The following CACNA1E variants were observed in gnomAD, a reference collection of about 807,000 sequenced individuals.
CACNA1E encodes the protein calcium voltage-gated channel subunit alpha1 E, also known as voltage-dependent R-type calcium channel subunit alpha-1E.
Under a neutral mutation model 259.2 loss-of-function variants are expected in CACNA1E, and 40 were observed. The observed-to-expected ratio is 0.15, with a 90% CI of 0.12 to 0.20. The LOEUF is 0.20. Among genes scored for constraint, CACNA1E ranks in the 10% least tolerant of loss-of-function variants. The pLI, the probability that CACNA1E is intolerant of heterozygous loss-of-function variation, is 1.00. For missense variants in CACNA1E, 1,874 were observed against 3,040.1 expected, an observed-to-expected ratio of 0.62 and a Z score of 9.02; for synonymous variants, 1,104 against 1,138.5, an observed-to-expected ratio of 0.97 and a Z score of 0.61.
At chr1:181,603,501 G>A (rs999733996) in intron 6 of CACNA1E, among the ~76,000 whole-genome samples, 1 of 152,086 alleles carries the variant, frequency 6.6e-6, no homozygotes, top group African/African-American at 2.4e-5. Context: ...TTTTCATGAG[G>A]CATGCATGTG....
chr1:181,390,329 A>ATTTG (rs58261737), intron 1 of CACNA1E, among the ~76,000 whole-genome samples: 67,625 of 151,336 alleles, frequency 0.45, 15,264 homozygotes, highest in African/African-American at 0.51. Context: ...TTATTTATTT[A>ATTTG]TTTGTTTTTT....
intron 2 of CACNA1E, among the ~76,000 whole-genome samples, chr1:181,460,948 A>G (rs564509466): frequency 1.7e-4 from 26 of 152,332 alleles, no homozygotes; most frequent in African/African-American, 6.3e-4. Context: ...TGTATAAAAT[A>G]TCTGATACAT....
At chr1:181,646,789 C>T (rs994353643) in intron 6 of CACNA1E, among the ~76,000 whole-genome samples, 4 of 152,202 alleles carry the variant, frequency 2.6e-5, no homozygotes, top group African/African-American at 9.6e-5. Flanking sequence ...CCCCAGTCCC[C>T]TGGAGATTAA....
chr1:181,504,735 CG>C (rs1205467856), intron 1 of CACNA1E, among the ~76,000 whole-genome samples: 3 of 152,210 alleles, frequency 2.0e-5, no homozygotes. Context: ...GTGCAGGCCA[CG>C]TCGTGCTGCT....
At chr1:181,684,891 T>G (rs978538486) in intron 7 of CACNA1E, among the ~76,000 whole-genome samples, 4 of 150,904 alleles carry the variant, frequency 2.7e-5, no homozygotes, top group Non-Finnish European at 5.9e-5. Flanking sequence ...TTTTTTTTTT[T>G]GCCTTGTTAG....
At chr1:181,410,522 G>A (rs957194270) in intron 1 of CACNA1E, among the ~76,000 whole-genome samples, 1 of 152,286 alleles carries the variant, frequency 6.6e-6, no homozygotes, top group East Asian at 1.9e-4. Flanking sequence ...CTCCAGGGGC[G>A]TCCGAGTCTA....
chr1:181,741,835 G>A (rs1352667697), intron 25 of CACNA1E, among the ~76,000 whole-genome samples: 1 of 152,200 alleles, frequency 6.6e-6, no homozygotes, highest in Non-Finnish European at 1.5e-5. Flanking sequence ...TTGGTCCTCA[G>A]ACCAGGTACA....
chr1:181,423,964 T>C (rs543350854), intron 2 of CACNA1E, among the ~76,000 whole-genome samples: 1 of 152,284 alleles, frequency 6.6e-6, no homozygotes, highest in South Asian at 2.1e-4. Flanking sequence ...CCTACTGCCT[T>C]AGGGCTATTA....
chr1:181,719,981 C>T (rs1464734758), intron 13 of CACNA1E, 118 bp downstream of exon 13: 2 of 744,232 alleles, frequency 2.7e-6, no homozygotes, highest in Non-Finnish European at 2.2e-6. Flanking sequence ...CTTCCCTGCC[C>T]CACCCCTTTT....
At chr1:181,514,259 A>G (rs973784286) in intron 3 of CACNA1E, among the ~76,000 whole-genome samples, 1 of 152,200 alleles carries the variant, frequency 6.6e-6, no homozygotes, top group African/African-American at 2.4e-5. Flanking sequence ...AGTTTAATTG[A>G]CAGCATGTTT....
intron 1 of CACNA1E, among the ~76,000 whole-genome samples, chr1:181,323,411 A>ATTT (rs1293159235): frequency 4.6e-5 from 7 of 152,178 alleles, no homozygotes; most frequent in African/African-American, 1.7e-4. Context: ...GTCTCCACTT[A>ATTT]TTAATACACA....
chr1:181,326,240 A>T (rs1322033163), intron 1 of CACNA1E, among the ~76,000 whole-genome samples: 1 of 152,246 alleles, frequency 6.6e-6, no homozygotes, highest in Non-Finnish European at 1.5e-5. Flanking sequence ...ACCCGAGATC[A>T]TAGTAGGTGG....
intron 44 of CACNA1E, 43 bp from the exon 45 acceptor site, chr1:181,793,622 A>G (rs749108840): frequency 1.3e-5 from 20 of 1,594,686 alleles, no homozygotes; most frequent in Admixed American, 1.7e-5. Flanking sequence ...AAGCAATGAG[A>G]TGGAACCAAG....
rs1662336490 is a variant in CACNA1E, at chr1:181,802,317, C to T, written c.*3483C>T. 1 of 152,312 alleles carries T rather than the reference C, an allele frequency of 6.6e-6. No homozygotes were observed. Among genetic ancestry groups the T allele is most frequent in the South Asian group, 2.1e-4 (1 of 4,820 alleles). The allele number at this position is 152,312 out of a possible 1,614,324, so 9.4% of individuals were successfully genotyped here. The stretch of plus-strand genomic sequence containing the variant: ...CACTGAGATCACCAAGAACATTACC[C>T]AGAAGCTGAAGTCCAAATGTTCTAG... On this transcript the variant is annotated 3_prime_UTR_variant, in exon 48 of 48. Transcript: ENST00000367573.
Position 181,796,827 on chromosome 1 carries a change from G to A in CACNA1E, c.6368G>A (p.Ser2123Asn). Reference protein sequence around the residue: ...SPERRQSRSPSEGRSQTPNRQ... With the variant: ...SPERRQSRSPNEGRSQTPNRQ... The stretch of plus-strand genomic sequence containing the variant: ...GAGCGCCGTCAATCCAGGTCACCCA[G>A]TGAGGGCAGGTCACAGACGCCCAAC... Residue 2123 changes from serine (S) to asparagine (N), a missense_variant, in exon 47 of 48, where the codon AGT becomes AAT. Around this residue, in one of 14 missense-constraint regions of CACNA1E, gnomAD observed 542 missense variants for 587.2 expected, o/e 0.92. Coordinates refer to ENST00000367573, the MANE Select transcript of CACNA1E (RefSeq NM_001205293.3). The A allele has an allele frequency of 6.2e-7, 1 of 1,606,768 alleles. No homozygotes were observed. The highest frequency in any genetic ancestry group is 8.5e-7 in the Non-Finnish European group (1 of 1,176,560).
intron 3 of CACNA1E, among the ~76,000 whole-genome samples, chr1:181,546,794 G>A (rs1288719217): frequency 2.0e-5 from 3 of 152,118 alleles, no homozygotes; most frequent in African/African-American, 4.8e-5. Flanking sequence ...TATCAGTGTC[G>A]GGCCATTTCA....
intron 6 of CACNA1E, among the ~76,000 whole-genome samples, chr1:181,610,646 G>A (rs1302686059): frequency 6.6e-6 from 1 of 152,156 alleles, no homozygotes; most frequent in Non-Finnish European, 1.5e-5. Flanking sequence ...GCAGAGACAT[G>A]TACTTACTCA....
intron 1 of CACNA1E, among the ~76,000 whole-genome samples, chr1:181,387,107 G>A (rs1177809824): frequency 2.0e-5 from 3 of 152,162 alleles, no homozygotes; most frequent in Non-Finnish European, 2.9e-5. Context: ...CACAGGGGAT[G>A]TCTGTCCTTG....
intron 2 of CACNA1E, among the ~76,000 whole-genome samples, chr1:181,467,840 C>G (rs1450071129): frequency 6.6e-6 from 1 of 152,064 alleles, no homozygotes; most frequent in Non-Finnish European, 1.5e-5. Flanking sequence ...TGATTTGGGC[C>G]CCAAGGGTCA....
Sources: allele counts gnomAD v4.1 joint callset (sites outside exome capture counted in the v4.1 genomes callset), GRCh38; gene constraint gnomAD v4.1.1; regional missense constraint gnomAD v4.1.1; transcripts MANE v1.5; gene names NCBI Gene and HGNC (gene_info 2026-07-23, HGNC 2026-07-21).